The following ZFAT variants were observed in gnomAD, a reference collection of about 807,000 sequenced individuals.
The protein encoded by ZFAT is zinc finger and AT-hook domain containing, also known as zinc finger protein ZFAT.
In ZFAT, 64 loss-of-function variants were observed where a neutral mutation model predicts 117.7. The observed-to-expected ratio is 0.54, with a 90% CI of 0.44 to 0.67. The LOEUF (loss-of-function observed/expected upper bound fraction) is 0.67. Among genes scored for constraint, ZFAT ranks in the 30% least tolerant of loss-of-function variants. The pLI, the probability that ZFAT is intolerant of heterozygous loss-of-function variation, is 0.00. For synonymous variants in ZFAT, 679 were observed against 615.0 expected, an observed-to-expected ratio of 1.10 and a Z score of -1.54; for missense variants, 1,433 against 1,584.5, an observed-to-expected ratio of 0.90 and a Z score of 1.62.
At chr8:134,559,082 T>TA (rs1163481395) in intron 11 of ZFAT, among the ~76,000 whole-genome samples, 1 of 152,190 alleles carries the variant, frequency 6.6e-6, no homozygotes, top group Admixed American at 6.5e-5. Flanking sequence ...GTTTCTAGGA[T>TA]AATATTCTTA....
chr8:134,545,206 A>G (rs6998092), intron 11 of ZFAT, among the ~76,000 whole-genome samples: 32,831 of 152,166 alleles, frequency 0.22, 3,783 homozygotes, highest in East Asian at 0.33. Context: ...TGAGTAAAGA[A>G]GTAAACTTCA....
the ZFAT span, among the ~76,000 whole-genome samples, chr8:134,756,432 G>T: frequency 3.2e-4 from 48 of 152,234 alleles, no homozygotes; most frequent in Non-Finnish European, 6.6e-4. Flanking sequence ...GTAAGTCTGG[G>T]AACTGGGACA....
At chr8:134,748,602 A>T in the ZFAT span, among the ~76,000 whole-genome samples, 4 of 152,214 alleles carry the variant, frequency 2.6e-5, no homozygotes, top group Non-Finnish European at 5.9e-5. Flanking sequence ...GAGTATCTCT[A>T]AAAAACATGG....
At chr8:134,639,700 G>A in intron 2 of ZFAT, 1 of 452,090 alleles carries the variant, frequency 2.2e-6, no homozygotes, top group Non-Finnish European at 4.5e-6. Context: ...ACAACAACGT[G>A]TACTTGCACA....
At chr8:134,717,519 T>C (rs1344503427), upstream of ZFAT, among the ~76,000 whole-genome samples, 1 of 126,202 alleles carries the variant, frequency 7.9e-6, no homozygotes, top group African/African-American at 2.9e-5. Flanking sequence ...AGTCTCACTC[T>C]GTCGCCCAGG....
the ZFAT span, among the ~76,000 whole-genome samples, chr8:134,762,607 G>A: frequency 6.6e-6 from 1 of 152,006 alleles, no homozygotes; most frequent in African/African-American, 2.4e-5. Context: ...AAGTGCTTTG[G>A]GATTTGGTCT....
In ZFAT at chr8:134,610,704, C is replaced by T. The variant is rs768469050; in HGVS notation, c.449-49G>A. 75 of 1,597,346 alleles carry T rather than the reference C, an allele frequency of 4.7e-5. No individual in the cohort carries two copies. In the Middle Eastern group the frequency reaches 4.5e-3, roughly 96 times the overall value. ...ATAAGGTATCCTTTTATATCAGTGG[C>T]AGAGTTGGAGGGTAAACACTACTCT... On this transcript the variant is annotated intron_variant, in intron 3 of 15. Coordinates refer to ENST00000377838, the MANE Select transcript of ZFAT (RefSeq NM_020863.4).
At chr8:134,506,351 T>C (rs1158056994) in intron 15 of ZFAT, among the ~76,000 whole-genome samples, 4 of 152,218 alleles carry the variant, frequency 2.6e-5, no homozygotes, top group African/African-American at 9.6e-5. Context: ...CATGATTCTT[T>C]CTGAGCGTTG....
At chr8:134,703,823 T>C (rs1834075937) in intron 1 of ZFAT, among the ~76,000 whole-genome samples, 1 of 151,942 alleles carries the variant, frequency 6.6e-6, no homozygotes, top group African/African-American at 2.4e-5. Context: ...CCAGATACTA[T>C]TAAAAGTGAT....
At chr8:134,831,597 C>A in the ZFAT span, among the ~76,000 whole-genome samples, 9 of 152,356 alleles carry the variant, frequency 5.9e-5, no homozygotes, top group African/African-American at 1.9e-4. Flanking sequence ...GGCGCCTCGT[C>A]CCGAGGGCAG....
chr8:134,553,229 G>A (rs113137187), intron 11 of ZFAT, among the ~76,000 whole-genome samples: 1,912 of 152,266 alleles, frequency 0.013, 36 homozygotes, highest in African/African-American at 0.044. Context: ...CTTCTCAGCC[G>A]GTGCAGTGAC....
At position 134,602,083 on chromosome 8, in the gene ZFAT, G is replaced by C. The variant is rs142331855; in HGVS notation, c.1636C>G (p.Arg546Gly). The C allele has an allele frequency of 1.2e-6, 2 of 1,611,318 alleles. No homozygotes were observed. Among genetic ancestry groups the C allele is most frequent in the Non-Finnish European group, 1.7e-6 (2 of 1,179,138 alleles). The change falls in exon 6 of 16, where the codon CGG becomes GGG. Residue 546 changes from arginine to glycine, a missense_variant. By Grantham distance (125) the Arg-to-Gly change is moderately radical. Coordinates refer to ENST00000377838, the MANE Select transcript of ZFAT (RefSeq NM_020863.4). ...CPGDTQLEEG[R>G]KEPEAPGEMP... ...TCCCCAGGGGCCTCCGGCTCCTTCC[G>C]GCCCTCCTCCAGCTGAGTGTCCCCA... is the stretch of plus-strand genomic sequence containing the variant.
intron 10 of ZFAT, among the ~76,000 whole-genome samples, chr8:134,572,137 G>T (rs2130800583): frequency 6.6e-6 from 1 of 152,230 alleles, no homozygotes; most frequent in South Asian, 2.1e-4. Context: ...TCTTAAACTT[G>T]TTATTAATGA....
At chr8:134,561,876 G>A (rs1020668227) in intron 11 of ZFAT, among the ~76,000 whole-genome samples, 12 of 152,206 alleles carry the variant, frequency 7.9e-5, no homozygotes, top group Non-Finnish European at 1.5e-4. Flanking sequence ...GTAAAAGGAA[G>A]AAAAGTGGGG....
chr8:134,779,105 C>T, the ZFAT span, among the ~76,000 whole-genome samples: 1 of 152,288 alleles, frequency 6.6e-6, no homozygotes, highest in African/African-American at 2.4e-5. Context: ...AATTAAGTGT[C>T]TGTGCTTAAG....
rs578204671 is a variant in ZFAT, at chr8:134,637,735, C to A, written c.197-23G>T. 3.7e-6 allele frequency: 6 copies of A among 1,605,870 alleles called. No homozygotes were observed. In the East Asian group the frequency reaches 1.1e-4, roughly 30 times the overall value. ...ACTCTACAGAGGAAACAAGAGGGCA[C>A]AATGGAATCACGTGAGACGGCAGTG... is the stretch of plus-strand genomic sequence containing the variant. On this transcript the variant is annotated intron_variant, in intron 2 of 15. Transcript: ENST00000377838.
chr8:134,530,817 T>C (rs1387731255), intron 12 of ZFAT, among the ~76,000 whole-genome samples: 4 of 152,028 alleles, frequency 2.6e-5, no homozygotes, highest in Non-Finnish European at 4.4e-5. Context: ...ATAATAACTA[T>C]TCACATGGCA....
chr8:134,635,590 T>C (rs938377333), intron 3 of ZFAT, among the ~76,000 whole-genome samples: 1 of 151,734 alleles, frequency 6.6e-6, no homozygotes, highest in Non-Finnish European at 1.5e-5. Context: ...GGCATGCATA[T>C]GTATGCATGT....
At chr8:134,571,512 G>A (rs1446088776) in intron 10 of ZFAT, among the ~76,000 whole-genome samples, 2 of 130,298 alleles carry the variant, frequency 1.5e-5, no homozygotes, top group Non-Finnish European at 3.5e-5. Flanking sequence ...GCAACCAAGA[G>A]TCCAAGAAGT....
Sources: gnomAD v4.1 joint callset for allele counts (sites outside exome capture counted in the v4.1 genomes callset) on GRCh38, gnomAD v4.1.1 for gene constraint, MANE v1.5 for transcripts, NCBI Gene and HGNC (gene_info 2026-07-23, HGNC 2026-07-21) for gene names.